HTR4: variants seen among roughly 807,000 people sequenced by gnomAD.
The protein encoded by HTR4 is 5-hydroxytryptamine receptor 4.
A neutral mutation model predicts 36.8 loss-of-function variants in HTR4; 16 were observed. That is an observed-to-expected ratio of 0.43 (90% CI 0.29 to 0.66). HTR4 has a LOEUF of 0.66. Among genes scored for constraint, HTR4 ranks in the 30% least tolerant of loss-of-function variants. HTR4 has a pLI of 0.13. For missense variants in HTR4, 438 were observed against 490.9 expected (o/e 0.89, Z 1.02); for synonymous variants, 189 against 185.1 (o/e 1.02, Z -0.17).
rs1309745478 is a variant in HTR4, at chr5:148,654,157, G to C, written c.-143C>G. On this transcript the variant is annotated 5_prime_UTR_variant, in exon 1 of 7. Coordinates refer to ENST00000377888, the MANE Select transcript of HTR4 (RefSeq NM_000870.7). Reference sequence around the variant, plus strand: ...CTTCTGCTGCCGCCGCTGCCGCTGCGCTCCCAGCCGCTGCCTGCGCCCTCC... The same window carrying C: ...CTTCTGCTGCCGCCGCTGCCGCTGCCCTCCCAGCCGCTGCCTGCGCCCTCC... 1.0e-6 allele frequency: 1 copy of C among 985,556 alleles called. No homozygotes were observed. Among genetic ancestry groups the C allele is most frequent in the Non-Finnish European group, 1.2e-6 (1 of 830,068 alleles). The allele number at this position is 985,556 out of a possible 1,614,324, so 61.1% of individuals were successfully genotyped here.
chr5:148,470,166 A>G (rs1755529485), intron 5 of HTR4, among the ~76,000 whole-genome samples: 1 of 152,226 alleles, frequency 6.6e-6, no homozygotes, highest in Admixed American at 6.5e-5. Flanking sequence ...ATTCACAAGT[A>G]TTTTTGAATA....
At chr5:148,469,519 G>T (rs534794508) in intron 5 of HTR4, among the ~76,000 whole-genome samples, 1 of 152,134 alleles carries the variant, frequency 6.6e-6, no homozygotes, top group Non-Finnish European at 1.5e-5. Flanking sequence ...TCTGCTTGTC[G>T]TAGTGGCAGT....
intron 4 of HTR4, among the ~76,000 whole-genome samples, chr5:148,527,452 AT>A (rs755372302): frequency 6.6e-6 from 1 of 152,174 alleles, no homozygotes; most frequent in Non-Finnish European, 1.5e-5. Context: ...ATGAACAATA[AT>A]ATTGCCCTAC....
At chr5:148,559,870 C>T (rs1760117009) in intron 2 of HTR4, among the ~76,000 whole-genome samples, 1 of 152,102 alleles carries the variant, frequency 6.6e-6, no homozygotes. Context: ...GCCTTCTTTT[C>T]CCCGCTTATA....
At chr5:148,481,114 CA>C (rs1415839259), downstream of HTR4, among the ~76,000 whole-genome samples, 1 of 152,206 alleles carries the variant, frequency 6.6e-6, no homozygotes, top group East Asian at 1.9e-4. Flanking sequence ...TGGGCAGCCA[CA>C]GCAGATTGGT....
chr5:148,643,485 AGGAC>A, intron 1 of HTR4, among the ~76,000 whole-genome samples: 1 of 152,308 alleles, frequency 6.6e-6, no homozygotes, highest in Admixed American at 6.5e-5. Flanking sequence ...CCAAGAAAAC[AGGAC>A]CAATTAAGTG....
chr5:148,479,750 T>A (rs1755815910), downstream of HTR4, among the ~76,000 whole-genome samples: 2 of 151,988 alleles, frequency 1.3e-5, no homozygotes, highest in Non-Finnish European at 2.9e-5. Flanking sequence ...CAATTTGTAA[T>A]CCTTTGAAAT....
chr5:148,615,773 GT>G (rs1467109617), intron 2 of HTR4, among the ~76,000 whole-genome samples: 1 of 152,022 alleles, frequency 6.6e-6, no homozygotes, highest in Non-Finnish European at 1.5e-5. Context: ...AAGTGGTTAA[GT>G]TTCTGGATCC....
chr5:148,582,346 C>T (rs779144127), intron 2 of HTR4, among the ~76,000 whole-genome samples: 35 of 151,588 alleles, frequency 2.3e-4, no homozygotes, highest in Non-Finnish European at 1.5e-4. Context: ...GGGTTTGTTA[C>T]GTGGGTATAT....
At position 148,483,177 on chromosome 5, in the gene HTR4, G is replaced by C. The variant is rs1755972042; in HGVS notation, c.*26C>G. ...CTGGCCCTCTTTCGGAGGCATGGCT[G>C]TCTTCTGGGTCATTGTCCCAGGGGC... On this transcript the variant is annotated 3_prime_UTR_variant, in exon 7 of 7. Coordinates refer to ENST00000377888, the MANE Select transcript of HTR4 (RefSeq NM_000870.7). 6.2e-7 allele frequency: 1 copy of C among 1,613,766 alleles called. No homozygotes were observed. Among genetic ancestry groups the C allele is most frequent in the Admixed American group, 1.7e-5 (1 of 59,996 alleles).
At chr5:148,623,970 C>A (rs918142820) in intron 2 of HTR4, among the ~76,000 whole-genome samples, 3 of 152,156 alleles carry the variant, frequency 2.0e-5, no homozygotes, top group African/African-American at 4.8e-5. Flanking sequence ...GAGCACATGG[C>A]CTCACCTATC....
In HTR4 at chr5:148,564,856, A is replaced by G. The variant is rs1760367974; in HGVS notation, c.27-14594T>C. The stretch of plus-strand genomic sequence containing the variant: ...GCCCGATGTGGTGGCTCACGCCTGT[A>G]ATCCCAGCACTTTGGGAGGCCGAGG... On this transcript the variant is annotated intron_variant, in intron 2 of 6. Coordinates refer to ENST00000377888, the MANE Select transcript of HTR4 (RefSeq NM_000870.7). Among the ~76,000 whole-genome samples, 3 of 152,276 alleles carry G rather than the reference A, an allele frequency of 2.0e-5. No homozygotes were observed. In the South Asian group the frequency reaches 6.2e-4, roughly 32 times the overall value.
chr5:148,562,193 C>T (rs1270664340), intron 2 of HTR4, among the ~76,000 whole-genome samples: 1 of 152,198 alleles, frequency 6.6e-6, no homozygotes, highest in Non-Finnish European at 1.5e-5. Flanking sequence ...GCTGAGTTTA[C>T]ACTACAAAAG....
chr5:148,593,926 A>G (rs1029810955), intron 2 of HTR4, among the ~76,000 whole-genome samples: 1 of 152,170 alleles, frequency 6.6e-6, no homozygotes, highest in East Asian at 1.9e-4. Flanking sequence ...AGAGAAATCA[A>G]TGTGTTGATC....
At chr5:148,475,554 G>A (rs930397792), downstream of HTR4, among the ~76,000 whole-genome samples, 2 of 152,146 alleles carry the variant, frequency 1.3e-5, no homozygotes, top group Non-Finnish European at 2.9e-5. Flanking sequence ...TGTTTCTTCT[G>A]TGACTCCACA....
chr5:148,561,332 C>T (rs1407014578), intron 2 of HTR4, among the ~76,000 whole-genome samples: 4 of 152,130 alleles, frequency 2.6e-5, no homozygotes, highest in Admixed American at 1.3e-4. Flanking sequence ...TTTTCTGAGG[C>T]CATGCCTGAA....
chr5:148,521,551 C>T (rs1758017656), intron 5 of HTR4, among the ~76,000 whole-genome samples: 1 of 150,390 alleles, frequency 6.6e-6, no homozygotes, highest in African/African-American at 2.4e-5. Context: ...ATTGGCTCTC[C>T]TGGGAGTCTA....
At chr5:148,533,194 G>C (rs1212880483) in intron 4 of HTR4, among the ~76,000 whole-genome samples, 1 of 152,074 alleles carries the variant, frequency 6.6e-6, no homozygotes, top group East Asian at 1.9e-4. Context: ...CCTTCCATTG[G>C]GTATCTCCCA....
chr5:148,530,301 C>T (rs1758495312), intron 4 of HTR4, among the ~76,000 whole-genome samples: 1 of 152,150 alleles, frequency 6.6e-6, no homozygotes, highest in South Asian at 2.1e-4. Flanking sequence ...CTATCACAGG[C>T]CTGGAAGCCT....
Sources: gnomAD v4.1 joint callset for allele counts (sites outside exome capture counted in the v4.1 genomes callset) on GRCh38, gnomAD v4.1.1 for gene constraint, MANE v1.5 for transcripts, NCBI Gene and HGNC (gene_info 2026-07-23, HGNC 2026-07-21) for gene names.